The following SARAF variants were observed in gnomAD, a reference collection of about 807,000 sequenced individuals.
SARAF encodes store-operated calcium entry associated regulatory factor, also known as store-operated calcium entry-associated regulatory factor.
SARAF carries 23 observed loss-of-function variants against 39.7 expected under a neutral mutation model. That is an observed-to-expected ratio of 0.58 (90% CI 0.42 to 0.82). The LOEUF (loss-of-function observed/expected upper bound fraction) is 0.82, where lower values mean the gene tolerates loss of function less well. Among genes scored for constraint, SARAF ranks in the 40% least tolerant of loss-of-function variants. The pLI, the probability that SARAF is intolerant of heterozygous loss-of-function variation, is 0.00. For synonymous variants in SARAF, 175 were observed against 168.5 expected (o/e 1.04, Z -0.30); for missense variants, 384 against 418.5 (o/e 0.92, Z 0.72).
At chr8:30,073,773 T>G in intron 2 of SARAF, 104 bp downstream of exon 2, 1 of 971,790 alleles carries the variant, frequency 1.0e-6, no homozygotes, top group Non-Finnish European at 1.5e-6. Context: ...TAGGCTGATC[T>G]GAGATTTCCG....
intron 1 of SARAF, among the ~76,000 whole-genome samples, chr8:30,076,634 T>C (rs553393074): frequency 1.3e-5 from 2 of 152,304 alleles, no homozygotes; most frequent in East Asian, 3.9e-4. Context: ...AATGCAACAG[T>C]GTTGAAAGAT....
intron 5 of SARAF, among the ~76,000 whole-genome samples, chr8:30,064,559 A>ATTTTTTTTTT (rs1240248914): frequency 1.4e-3 from 68 of 50,012 alleles, no homozygotes; most frequent in African/African-American, 4.7e-3. Flanking sequence ...ATATATATAT[A>ATTTTTTTTTT]TATTTTTTTT....
chr8:30,081,384 C>T (rs1237841528), intron 1 of SARAF, among the ~76,000 whole-genome samples: 1 of 152,164 alleles, frequency 6.6e-6, no homozygotes, highest in Admixed American at 6.6e-5. Context: ...CGAACTGATT[C>T]AAAGTTCAAC....
At position 30,066,862 on chromosome 8, in the gene SARAF, G is replaced by T. The variant is rs1239836543; in HGVS notation, c.757C>A (p.Gln253Lys). The change falls in exon 4 of 6, where the codon CAA becomes AAA. Residue 253 changes from glutamine to lysine, a missense_variant. Gln to Lys is a moderately conservative substitution (Grantham distance 53). Transcript: ENST00000256255. ...GGTCCTGAATTTTCATATCCTTGTT[G>T]TCCTGTAAAAGCACTGCCAAAACCA... ...TSGFGSAFTG[Q>K]QGYENSGPGF... The T allele has an allele frequency of 6.2e-7, 1 of 1,614,000 alleles. No individual in the cohort carries two copies. The highest frequency in any genetic ancestry group is 2.2e-5 in the East Asian group (1 of 44,886).
intron 1 of SARAF, among the ~76,000 whole-genome samples, chr8:30,077,065 G>C (rs1801983730): frequency 6.6e-6 from 1 of 152,092 alleles, no homozygotes; most frequent in Non-Finnish European, 1.5e-5. Flanking sequence ...AGAGATAAGA[G>C]AAAAAGACTG....
intron 2 of SARAF, 25 bp downstream of exon 2, chr8:30,073,852 C>A (rs778594032): frequency 6.3e-6 from 10 of 1,593,106 alleles, no homozygotes; most frequent in Non-Finnish European, 8.6e-6. Context: ...CCCATTTAGA[C>A]TGCCATTACT....
intron 5 of SARAF, 48 bp downstream of exon 5, chr8:30,065,940 T>C (rs1298063062): frequency 5.6e-6 from 9 of 1,609,610 alleles, no homozygotes; most frequent in Non-Finnish European, 6.8e-6. Flanking sequence ...CCAAACTATT[T>C]CTGTACTTTA....
intron 1 of SARAF, among the ~76,000 whole-genome samples, chr8:30,076,666 C>T (rs1233278324): frequency 2.0e-5 from 3 of 152,186 alleles, no homozygotes; most frequent in African/African-American, 7.2e-5. Context: ...GAGGGCTCTG[C>T]CCTCATGAAT....
chr8:30,064,407 A>C (rs1801624434), intron 5 of SARAF, among the ~76,000 whole-genome samples: 1 of 151,544 alleles, frequency 6.6e-6, no homozygotes, highest in South Asian at 2.1e-4. Context: ...TTTCAGGTTT[A>C]CATTATTTGG....
intron 2 of SARAF, chr8:30,073,600 C>T (rs965262165): frequency 2.5e-5 from 8 of 315,604 alleles, no homozygotes; most frequent in Admixed American, 9.2e-5. Flanking sequence ...TATCCCCTAT[C>T]CCTCACCCTC....
chr8:30,082,581 C>T (rs1022883266), intron 1 of SARAF, among the ~76,000 whole-genome samples: 3 of 152,218 alleles, frequency 2.0e-5, no homozygotes, highest in African/African-American at 7.2e-5. Flanking sequence ...TGGGCAAATT[C>T]CGGGAGTCCG....
intron 1 of SARAF, chr8:30,078,329 G>C: frequency 4.7e-6 from 2 of 424,756 alleles, no homozygotes; most frequent in Non-Finnish European, 9.2e-6. Flanking sequence ...CCACACTGAA[G>C]GACTTGAGTT....
intron 2 of SARAF, among the ~76,000 whole-genome samples, chr8:30,072,751 T>C (rs904226345): frequency 1.4e-4 from 21 of 152,196 alleles, no homozygotes; most frequent in African/African-American, 4.3e-4. Context: ...CTCTAGCCTT[T>C]CCTCTCTAAA....
At chr8:30,072,363 C>T (rs562950436) in intron 2 of SARAF, among the ~76,000 whole-genome samples, 10 of 152,278 alleles carry the variant, frequency 6.6e-5, no homozygotes, top group African/African-American at 2.2e-4. Flanking sequence ...ATTTGCTAAG[C>T]TTCCTCCCAT....
chr8:30,069,628 C>A lies in SARAF; in HGVS notation c.700+14G>T. ...ACACCCGCTCTATTTATGGCCACTG[C>A]GAGGGAAACATACCTGTGAACTCAG... is the stretch of plus-strand genomic sequence containing the variant. On this transcript the variant is annotated intron_variant, in intron 3 of 5. Coordinates refer to ENST00000256255, the MANE Select transcript of SARAF (RefSeq NM_016127.6). The A allele has an allele frequency of 2.6e-6, 4 of 1,543,778 alleles. No individual in the cohort carries two copies. Among genetic ancestry groups the A allele is most frequent in the South Asian group, 1.1e-5 (1 of 87,714 alleles).
intron 3 of SARAF, among the ~76,000 whole-genome samples, chr8:30,069,191 G>A (rs1801769707): frequency 7.3e-6 from 1 of 137,856 alleles, no homozygotes; most frequent in African/African-American, 2.7e-5. Flanking sequence ...TCAGGCTGGA[G>A]TGCAGTGGCG....
At chr8:30,063,970 A>T in intron 5 of SARAF, 57 bp from the exon 6 acceptor site, 3 of 1,390,872 alleles carry the variant, frequency 2.2e-6, no homozygotes, top group Non-Finnish European at 3.0e-6. Context: ...AGAATTGCTT[A>T]TAAAATTACA....
At chr8:30,066,192 TAA>T in intron 4 of SARAF, 53 bp from the exon 5 acceptor site, 1 of 1,544,524 alleles carries the variant, frequency 6.5e-7, no homozygotes, top group East Asian at 2.3e-5. Context: ...CTATAATTTT[TAA>T]ATACCTTCCT....
At position 30,063,484 on chromosome 8, in the gene SARAF, A is replaced by G. The variant is rs1801603087; in HGVS notation, c.*404T>C. 5 of 177,500 alleles carry G rather than the reference A, an allele frequency of 2.8e-5. No homozygotes were observed. In the South Asian group the frequency reaches 5.6e-4, roughly 20 times the overall value. 11.0% of individuals were successfully genotyped at this position (177,500 alleles called of 1,614,324 possible). A position where few individuals can be genotyped will look rare whatever the true frequency, so the allele number is the denominator to read the frequency against. ...ATCAAATAATATAATACCAAATAGA[A>G]TATTATAGTCTCTATGAGGTAATAA... On this transcript the variant is annotated 3_prime_UTR_variant, in exon 6 of 6. Coordinates refer to ENST00000256255, the MANE Select transcript of SARAF (RefSeq NM_016127.6).
Sources: allele counts gnomAD v4.1 joint callset (sites outside exome capture counted in the v4.1 genomes callset), GRCh38; gene constraint gnomAD v4.1.1; transcripts MANE v1.5; gene names NCBI Gene and HGNC (gene_info 2026-07-23, HGNC 2026-07-21).